The following CTNNA2 variants were observed in gnomAD, a reference collection of about 807,000 sequenced individuals.
CTNNA2 encodes the protein catenin alpha 2.
CTNNA2 carries 42 observed loss-of-function variants against 101.0 expected under a neutral mutation model. The ratio of observed to expected loss-of-function variants is 0.42; its 90% CI spans 0.32 to 0.54. CTNNA2 has a LOEUF of 0.54. CTNNA2 is among the 20% of genes least tolerant of loss of function. The pLI is 0.14. For synonymous variants in CTNNA2, 450 were observed against 456.4 expected, an observed-to-expected ratio of 0.99 and a Z score of 0.18; for missense variants, 871 against 1,223.1, an observed-to-expected ratio of 0.71 and a Z score of 4.29.
chr2:79,512,996 G>C (rs975111238), upstream of CTNNA2: 3 of 152,048 alleles, frequency 2.0e-5, no homozygotes, highest in East Asian at 1.9e-4. Context: ...GCGGGGGGAG[G>C]GGGGAGCGGC....
intron 7 of CTNNA2, among the ~76,000 whole-genome samples, chr2:80,343,423 A>C (rs1021083747): frequency 2.4e-4 from 35 of 144,698 alleles, no homozygotes; most frequent in East Asian, 6.1e-4. Context: ...AAAAAAAAAA[A>C]ACACATAAAA....
chr2:80,349,296 C>G (rs768158168), intron 7 of CTNNA2, among the ~76,000 whole-genome samples: 1 of 152,108 alleles, frequency 6.6e-6, no homozygotes, highest in Non-Finnish European at 1.5e-5. Flanking sequence ...ATCTTTGCTC[C>G]CAATGGCTTC....
chr2:80,161,378 C>A (rs561797060), intron 7 of CTNNA2, among the ~76,000 whole-genome samples: 2 of 151,946 alleles, frequency 1.3e-5, no homozygotes, highest in African/African-American at 4.8e-5. Context: ...ACAGTACGAA[C>A]GCTGTGGTAT....
At chr2:79,668,233 C>T (rs1316458245) in intron 2 of CTNNA2, among the ~76,000 whole-genome samples, 7 of 110,408 alleles carry the variant, frequency 6.3e-5, no homozygotes, top group Admixed American at 1.4e-4. Context: ...GGCGACAGAG[C>T]GAGACTCCGT....
At chr2:80,450,689 T>C (rs1013270599) in intron 9 of CTNNA2, among the ~76,000 whole-genome samples, 4 of 152,196 alleles carry the variant, frequency 2.6e-5, no homozygotes, top group African/African-American at 7.2e-5. Context: ...AGATGCTTCC[T>C]TGAATCTCCA....
intron 9 of CTNNA2, among the ~76,000 whole-genome samples, chr2:80,532,601 CTT>C (rs1690639424): frequency 6.6e-6 from 1 of 152,072 alleles, no homozygotes; most frequent in African/African-American, 2.4e-5. Flanking sequence ...ACAAATTAAA[CTT>C]TATCGTAGGT....
chr2:80,048,153 T>G (rs1369021730), intron 7 of CTNNA2, among the ~76,000 whole-genome samples: 1 of 152,282 alleles, frequency 6.6e-6, no homozygotes, highest in Non-Finnish European at 1.5e-5. Context: ...CAACAGAGTA[T>G]CCAGTTAAAT....
At chr2:80,590,826 C>T (rs1305637024) in intron 15 of CTNNA2, among the ~76,000 whole-genome samples, 2 of 152,144 alleles carry the variant, frequency 1.3e-5, no homozygotes, top group African/African-American at 4.8e-5. Context: ...TTGTGGACTT[C>T]ACACATTTAT....
At chr2:80,093,027 T>C (rs1299500497) in intron 7 of CTNNA2, among the ~76,000 whole-genome samples, 3 of 152,138 alleles carry the variant, frequency 2.0e-5, no homozygotes, top group Non-Finnish European at 4.4e-5. Flanking sequence ...TATTATACTT[T>C]AAGTTTTAGG....
At chr2:79,400,803 A>G (rs1408253550) in intron 4 of CTNNA2, among the ~76,000 whole-genome samples, 1 of 151,864 alleles carries the variant, frequency 6.6e-6, no homozygotes, top group Admixed American at 6.6e-5. Context: ...AATTAGTTCA[A>G]TGAACACCGT....
chr2:80,143,116 G>A (rs1276402078), intron 7 of CTNNA2, among the ~76,000 whole-genome samples: 1 of 152,174 alleles, frequency 6.6e-6, no homozygotes, highest in African/African-American at 2.4e-5. Flanking sequence ...AGCAGCTCAG[G>A]TCTTTGATGC....
At chr2:79,624,660 A>G (rs1487685528) in intron 1 of CTNNA2, among the ~76,000 whole-genome samples, 1 of 152,288 alleles carries the variant, frequency 6.6e-6, no homozygotes, top group African/African-American at 2.4e-5. Flanking sequence ...TTCAATCAAT[A>G]TTGATTGAAA....
intron 4 of CTNNA2, among the ~76,000 whole-genome samples, chr2:79,380,137 A>G (rs2104462369): frequency 6.6e-6 from 1 of 152,238 alleles, no homozygotes. Context: ...TTGCAAAATG[A>G]TACATAGTGA....
At chr2:80,038,036 T>C (rs985864658) in intron 7 of CTNNA2, among the ~76,000 whole-genome samples, 1 of 143,466 alleles carries the variant, frequency 7.0e-6, no homozygotes, top group South Asian at 2.2e-4. Flanking sequence ...TGACATTGAC[T>C]TTTAATTTAT....
intron 2 of CTNNA2, among the ~76,000 whole-genome samples, chr2:79,695,160 T>C (rs1684579421): frequency 6.6e-6 from 1 of 151,826 alleles, no homozygotes; most frequent in Non-Finnish European, 1.5e-5. Flanking sequence ...TCCATTATGT[T>C]TGGAAGGTCA....
At position 80,610,236 on chromosome 2, in the gene CTNNA2, A is replaced by G. The variant is rs1698345931; in HGVS notation, c.2430+1918A>G. 2.6e-5 allele frequency among the ~76,000 whole-genome samples: 4 copies of G among 151,674 alleles called. No homozygotes were observed. In the South Asian group the frequency reaches 6.2e-4, roughly 24 times the overall value. On this transcript the variant is annotated intron_variant, in intron 17 of 18. Coordinates refer to ENST00000402739, the MANE Select transcript of CTNNA2 (RefSeq NM_001282597.3). ...CATCTATAGTCTGCTGTCTTTGCCA[A>G]TTCTGCCTCCATCTTTTTCTTCATG...
chr2:79,361,603 CG>C (rs1677631145), intron 3 of CTNNA2, among the ~76,000 whole-genome samples: 1 of 152,050 alleles, frequency 6.6e-6, no homozygotes. Flanking sequence ...CTGTATTAGT[CG>C]GGGTTCTCTA....
chr2:79,602,134 C>T (rs1393914503), intron 1 of CTNNA2, among the ~76,000 whole-genome samples: 1 of 152,106 alleles, frequency 6.6e-6, no homozygotes, highest in Non-Finnish European at 1.5e-5. Context: ...GTAAGTTGAA[C>T]CATCCTAAGC....
intron 2 of CTNNA2, among the ~76,000 whole-genome samples, chr2:79,272,355 C>G (rs1248992152): frequency 6.6e-6 from 1 of 151,890 alleles, no homozygotes. Flanking sequence ...GAGAGCAGAA[C>G]AAAACACTCT....
Sources: gnomAD v4.1 joint callset for allele counts (sites outside exome capture counted in the v4.1 genomes callset) on GRCh38, gnomAD v4.1.1 for gene constraint, MANE v1.5 for transcripts, NCBI Gene and HGNC (gene_info 2026-07-23, HGNC 2026-07-21) for gene names.